CREB5: variants seen among roughly 807,000 people sequenced by gnomAD.
CREB5 encodes cyclic AMP-responsive element-binding protein 5.
A neutral mutation model predicts 57.1 loss-of-function variants in CREB5; 19 were observed. That is an observed-to-expected ratio of 0.33 (90% CI 0.23 to 0.49). The LOEUF is 0.49. CREB5 is among the 20% of genes least tolerant of loss of function. The pLI, the probability that CREB5 is intolerant of heterozygous loss-of-function variation, is 0.99. For synonymous variants in CREB5, 238 were observed against 238.3 expected (o/e 1.00, Z 0.01); for missense variants, 579 against 671.6 (o/e 0.86, Z 1.52).
intron 5 of CREB5, among the ~76,000 whole-genome samples, chr7:28,628,163 A>G (rs765564585): frequency 3.9e-5 from 6 of 151,980 alleles, no homozygotes; most frequent in Non-Finnish European, 8.8e-5. Flanking sequence ...CAGGGATGTC[A>G]GAGAGGAATG....
At chr7:28,581,250 TTTC>T (rs1187821963) in intron 5 of CREB5, among the ~76,000 whole-genome samples, 2 of 152,218 alleles carry the variant, frequency 1.3e-5, no homozygotes, top group African/African-American at 4.8e-5. Flanking sequence ...TTTTGTATTA[TTTC>T]TTCTTTCCTT....
chr7:28,731,402 C>A (rs1470605722), intron 7 of CREB5, among the ~76,000 whole-genome samples: 1 of 152,132 alleles, frequency 6.6e-6, no homozygotes, highest in East Asian at 1.9e-4. Context: ...TCCAAATACA[C>A]GAGAATATAC....
Position 28,724,256 on chromosome 7 carries a change from T to G in CREB5, c.626T>G (p.Met209Arg). The G allele has an allele frequency of 6.2e-7, 1 of 1,613,638 alleles. No homozygotes were observed. The highest frequency in any genetic ancestry group is 8.5e-7 in the Non-Finnish European group (1 of 1,179,780). ...ERQMSVNSSIMGMQGPNLSNP... is the reference protein window; with the variant it reads ...ERQMSVNSSIRGMQGPNLSNP... ...CAAATGTCAGTGAACTCCAGCATCA[T>G]GGGGATGCAAGGTCCAAATCTCAGC... Residue 209 changes from methionine (M) to arginine (R), a missense_variant, in exon 7 of 11, where the codon ATG becomes AGG. By Grantham distance (91) the Met-to-Arg change is moderately conservative. Coordinates refer to ENST00000357727, the MANE Select transcript of CREB5 (RefSeq NM_182898.4).
intron 1 of CREB5, among the ~76,000 whole-genome samples, chr7:28,351,898 A>AAATT (rs1786195288): frequency 6.6e-6 from 1 of 152,256 alleles, no homozygotes; most frequent in Admixed American, 6.5e-5. Context: ...GGACAAATGT[A>AAATT]AATTAACATC....
Position 28,652,594 on chromosome 7 carries a change from T to C in CREB5, c.465-66159T>C, listed in dbSNP as rs898020426. Among the ~76,000 whole-genome samples the C allele has an allele frequency of 2.6e-5, 4 of 152,342 alleles. No individual in the cohort carries two copies. The South Asian group carries it at 8.3e-4, about 32-fold the overall frequency. Reference sequence around the variant, plus strand: ...CCTCTACTTTCTTTGAGCCTTAGTTTCTCCTTCTATAAAATGGGATTAAAT... The same window carrying C: ...CCTCTACTTTCTTTGAGCCTTAGTTCCTCCTTCTATAAAATGGGATTAAAT... On this transcript the variant is annotated intron_variant, in intron 5 of 10. Coordinates refer to ENST00000357727, the MANE Select transcript of CREB5 (RefSeq NM_182898.4).
intron 5 of CREB5, among the ~76,000 whole-genome samples, chr7:28,673,481 A>G (rs1800149703): frequency 6.6e-6 from 1 of 152,268 alleles, no homozygotes; most frequent in South Asian, 2.1e-4. Context: ...AATAAGGTGT[A>G]TTGCTTTAAA....
chr7:28,531,350 C>T (rs889239163), intron 4 of CREB5, among the ~76,000 whole-genome samples: 3 of 152,144 alleles, frequency 2.0e-5, no homozygotes, highest in African/African-American at 7.2e-5. Context: ...TGCTCCAAGC[C>T]TCCCTCCTGG....
chr7:28,328,046 C>G (rs1170054404), intron 1 of CREB5, among the ~76,000 whole-genome samples: 1 of 133,244 alleles, frequency 7.5e-6, no homozygotes, highest in Non-Finnish European at 1.7e-5. Flanking sequence ...GGTTTTCAAG[C>G]CTGCTGTTTA....
intron 5 of CREB5, among the ~76,000 whole-genome samples, chr7:28,630,553 G>C (rs1201283488): frequency 6.6e-6 from 1 of 152,120 alleles, no homozygotes; most frequent in Admixed American, 6.6e-5. Flanking sequence ...GCATCCTGCT[G>C]GGTGTGCAGC....
intron 5 of CREB5, among the ~76,000 whole-genome samples, chr7:28,607,735 C>CTGTGTGTG (rs573980917): frequency 5.3e-4 from 68 of 129,278 alleles, no homozygotes; most frequent in African/African-American, 1.1e-3. Context: ...GCCCACAGGG[C>CTGTGTGTG]TGTGTGTGTG....
At chr7:28,527,059 C>T (rs1018204561) in intron 4 of CREB5, among the ~76,000 whole-genome samples, 22 of 152,162 alleles carry the variant, frequency 1.4e-4, no homozygotes, top group African/African-American at 5.3e-4. Context: ...CTGAGGAGGA[C>T]AACTCATCAG....
intron 5 of CREB5, among the ~76,000 whole-genome samples, chr7:28,661,240 C>T (rs981582579): frequency 6.6e-6 from 1 of 152,120 alleles, no homozygotes; most frequent in African/African-American, 2.4e-5. Context: ...TCCTTAAGCC[C>T]CATTCCTAGT....
intron 5 of CREB5, among the ~76,000 whole-genome samples, chr7:28,657,557 C>T (rs924226285): frequency 5.9e-5 from 9 of 151,900 alleles, no homozygotes; most frequent in Non-Finnish European, 1.3e-4. Context: ...AGTGAAACCC[C>T]GTCTCTACTA....
At chr7:28,809,559 T>C (rs1808979038) in intron 9 of CREB5, 145 bp downstream of exon 9, 1 of 737,394 alleles carries the variant, frequency 1.4e-6, no homozygotes, top group Non-Finnish European at 2.2e-6. Context: ...TCGAGTTTTA[T>C]TAATTCCAGG....
At chr7:28,690,140 T>A (rs907780297) in intron 5 of CREB5, among the ~76,000 whole-genome samples, 15 of 151,728 alleles carry the variant, frequency 9.9e-5, no homozygotes, top group African/African-American at 3.6e-4. Context: ...AGTTGGGGAG[T>A]CTTGGTGACA....
At chr7:28,330,553 C>T (rs1197009622) in intron 1 of CREB5, among the ~76,000 whole-genome samples, 1 of 150,954 alleles carries the variant, frequency 6.6e-6, no homozygotes, top group Non-Finnish European at 1.5e-5. Context: ...CTAAGTTTTG[C>T]ATTCTTTGAT....
intron 4 of CREB5, among the ~76,000 whole-genome samples, chr7:28,521,377 C>T (rs1195060339): frequency 6.6e-6 from 1 of 152,144 alleles, no homozygotes; most frequent in Non-Finnish European, 1.5e-5. Context: ...TTGGTTACCT[C>T]ACTTCTCCCC....
chr7:28,495,754 G>A (rs1462699546), intron 3 of CREB5, among the ~76,000 whole-genome samples: 2 of 152,150 alleles, frequency 1.3e-5, no homozygotes, highest in Non-Finnish European at 2.9e-5. Flanking sequence ...TAAGGAAAAG[G>A]TGCTATGCAA....
chr7:28,374,677 G>C (rs1007825370), intron 1 of CREB5, among the ~76,000 whole-genome samples: 1 of 152,158 alleles, frequency 6.6e-6, no homozygotes, highest in Non-Finnish European at 1.5e-5. Context: ...GCGTTTGGTT[G>C]CCTGGAGCTG....
Sources: allele counts gnomAD v4.1 joint callset (sites outside exome capture counted in the v4.1 genomes callset), GRCh38; gene constraint gnomAD v4.1.1; transcripts MANE v1.5; gene names NCBI Gene and HGNC (gene_info 2026-07-23, HGNC 2026-07-21).